ARID1B: variants seen among roughly 807,000 people sequenced by gnomAD.
ARID1B encodes AT-rich interaction domain 1B, also known as AT-rich interactive domain-containing protein 1B.
ARID1B carries 30 observed loss-of-function variants against 212.3 expected under a neutral mutation model. The ratio of observed to expected loss-of-function variants is 0.14; its 90% CI spans 0.11 to 0.19. The LOEUF (loss-of-function observed/expected upper bound fraction) is 0.19. Ranked by LOEUF, ARID1B falls within the 10% of genes least tolerant of loss-of-function variation. The pLI, the probability that ARID1B is intolerant of heterozygous loss-of-function variation, is 1.00. For missense variants in ARID1B, 2,891 were observed against 3,204.0 expected, an observed-to-expected ratio of 0.90 and a Z score of 2.36; for synonymous variants, 1,402 against 1,301.7, an observed-to-expected ratio of 1.08 and a Z score of -1.66.
chr6:157,011,447 GA>G (rs1325979662), intron 4 of ARID1B, among the ~76,000 whole-genome samples: 1 of 152,118 alleles, frequency 6.6e-6, no homozygotes, highest in Non-Finnish European at 1.5e-5. Context: ...TGGAAAAATT[GA>G]AAAGAAAGCT....
intron 4 of ARID1B, among the ~76,000 whole-genome samples, chr6:157,031,946 G>A (rs1294320629): frequency 1.2e-4 from 19 of 152,096 alleles, no homozygotes; most frequent in African/African-American, 3.9e-4. Context: ...ACCGGCATGC[G>A]CCACCACGCT....
chr6:157,192,695 A>G (rs1793466835), intron 15 of ARID1B, among the ~76,000 whole-genome samples: 1 of 152,208 alleles, frequency 6.6e-6, no homozygotes, highest in Non-Finnish European at 1.5e-5. Flanking sequence ...CATGTAAATG[A>G]TCCCCGGTGG....
At chr6:157,083,900 G>A (rs1253225178) in intron 4 of ARID1B, among the ~76,000 whole-genome samples, 1 of 152,188 alleles carries the variant, frequency 6.6e-6, no homozygotes, top group Non-Finnish European at 1.5e-5. Context: ...TTGGGAGGCT[G>A]CGGCAGGCAG....
intron 2 of ARID1B, among the ~76,000 whole-genome samples, chr6:156,846,453 C>T (rs1351629824): frequency 6.6e-6 from 1 of 152,012 alleles, no homozygotes; most frequent in Admixed American, 6.6e-5. Flanking sequence ...GCTGAGCCAC[C>T]GCGCCTGGCC....
chr6:157,111,397 G>A (rs1002546453), intron 6 of ARID1B: 1 of 152,204 alleles, frequency 6.6e-6, no homozygotes, highest in Non-Finnish European at 1.5e-5. Context: ...GTGCACCCCT[G>A]GTGCGGTGGC....
intron 4 of ARID1B, among the ~76,000 whole-genome samples, chr6:157,017,932 C>T (rs561747412): frequency 6.8e-6 from 1 of 146,440 alleles, no homozygotes; most frequent in Non-Finnish European, 1.5e-5. Flanking sequence ...GAGTTGGAGA[C>T]CAGCCTGGGC....
chr6:157,075,955 A>G (rs1784277033), intron 4 of ARID1B, among the ~76,000 whole-genome samples: 1 of 152,192 alleles, frequency 6.6e-6, no homozygotes, highest in Non-Finnish European at 1.5e-5. Flanking sequence ...CAGAAAAGGG[A>G]CATAAGTGGC....
At chr6:157,156,547 AT>A (rs1270112605) in intron 8 of ARID1B, among the ~76,000 whole-genome samples, 1 of 152,054 alleles carries the variant, frequency 6.6e-6, no homozygotes, top group Non-Finnish European at 1.5e-5. Context: ...TCAGAGATTT[AT>A]TTTTTAATGT....
At chr6:156,973,358 G>A (rs1777056481) in intron 4 of ARID1B, among the ~76,000 whole-genome samples, 4 of 152,126 alleles carry the variant, frequency 2.6e-5, no homozygotes, top group Admixed American at 2.6e-4. Context: ...CTATCATGAA[G>A]CAGTAACTGT....
intron 2 of ARID1B, among the ~76,000 whole-genome samples, chr6:156,879,516 G>A (rs552747467): frequency 3.3e-5 from 5 of 152,236 alleles, no homozygotes; most frequent in South Asian, 4.2e-4. Flanking sequence ...TTTCACACTC[G>A]CAAATTGCTG....
At chr6:156,914,407 C>T (rs562307995) in intron 3 of ARID1B, among the ~76,000 whole-genome samples, 1 of 152,334 alleles carries the variant, frequency 6.6e-6, no homozygotes, top group South Asian at 2.1e-4. Flanking sequence ...TCTTCCTCCT[C>T]GGAGCACCTG....
intron 4 of ARID1B, among the ~76,000 whole-genome samples, chr6:156,944,690 G>GC (rs370241368): frequency 3.3e-5 from 5 of 152,264 alleles, no homozygotes; most frequent in Non-Finnish European, 7.4e-5. Flanking sequence ...GGCCCTAAGG[G>GC]CATGTATCTG....
rs1401395108 is a variant in ARID1B, at chr6:157,200,449, A to G, written c.4480-256A>G. ...TGTCCCGGTGGCACAGCCTAAGGAG[A>G]GGAGGCTTTTTTTTTTCCACAGGAA... is the stretch of plus-strand genomic sequence containing the variant. On this transcript the variant is annotated intron_variant, in intron 17 of 19. Transcript: ENST00000636930. The surrounding 1 kb of genome is among the most constrained non-coding windows in gnomAD (Gnocchi z 4.3). 3.3e-5 allele frequency among the ~76,000 whole-genome samples: 5 copies of G among 150,128 alleles called. No homozygotes were observed. The highest frequency in any genetic ancestry group is 6.6e-5 in the Admixed American group (1 of 15,140).
chr6:156,897,226 T>C (rs1465881068), intron 2 of ARID1B, among the ~76,000 whole-genome samples: 2 of 75,584 alleles, frequency 2.6e-5, no homozygotes, highest in African/African-American at 1.0e-4. Context: ...CTGCTTCTTC[T>C]TCTTCTTCTT....
chr6:157,150,551 G>A (rs1463615679), intron 8 of ARID1B: 2 of 163,764 alleles, frequency 1.2e-5, no homozygotes, highest in East Asian at 1.3e-4. Context: ...CCACCCTTTC[G>A]TTGGAGGCAT....
intron 4 of ARID1B, among the ~76,000 whole-genome samples, chr6:157,032,979 G>A (rs2128498841): frequency 6.6e-6 from 1 of 152,276 alleles, no homozygotes; most frequent in South Asian, 2.1e-4. Context: ...CGACTATACA[G>A]TAATTTACTG....
At chr6:156,782,834 T>C (rs1779370996) in intron 1 of ARID1B, among the ~76,000 whole-genome samples, 1 of 152,208 alleles carries the variant, frequency 6.6e-6, no homozygotes, top group Non-Finnish European at 1.5e-5. Flanking sequence ...GGGCCTATCA[T>C]TTAAAAAACA....
intron 4 of ARID1B, among the ~76,000 whole-genome samples, chr6:157,051,609 T>A (rs537183755): frequency 8.5e-5 from 13 of 152,346 alleles, no homozygotes; most frequent in Middle Eastern, 3.4e-3. Context: ...TTTGTATCTT[T>A]TGAATGTTTG....
chr6:157,012,302 C>G (rs1056209847), intron 4 of ARID1B, among the ~76,000 whole-genome samples: 4 of 152,138 alleles, frequency 2.6e-5, no homozygotes, highest in African/African-American at 9.7e-5. Flanking sequence ...GAATTAAAGG[C>G]AAAAAACTGC....
Sources: allele counts gnomAD v4.1 joint callset (sites outside exome capture counted in the v4.1 genomes callset), GRCh38; gene constraint gnomAD v4.1.1; non-coding constraint Gnocchi (gnomAD v3.1); transcripts MANE v1.5; gene names NCBI Gene and HGNC (gene_info 2026-07-23, HGNC 2026-07-21).